Variants in DYNC1I1 observed in about 807,000 individuals in gnomAD.
The protein encoded by DYNC1I1 is cytoplasmic dynein 1 intermediate chain 1.
A neutral mutation model predicts 86.6 loss-of-function variants in DYNC1I1; 43 were observed. The ratio of observed to expected loss-of-function variants is 0.50; its 90% confidence interval spans 0.39 to 0.64. The LOEUF (loss-of-function observed/expected upper bound fraction) is 0.64, where lower values mean the gene tolerates loss of function less well. DYNC1I1 is among the 30% of genes least tolerant of loss of function. DYNC1I1 has a pLI of 0.00. For synonymous variants in DYNC1I1, 262 were observed against 283.7 expected, an observed-to-expected ratio of 0.92 and a Z score of 0.77; for missense variants, 604 against 788.8, an observed-to-expected ratio of 0.77 and a Z score of 2.81.
intron 6 of DYNC1I1, among the ~76,000 whole-genome samples, chr7:95,897,506 T>G (rs149594034): frequency 7.9e-5 from 12 of 152,146 alleles, no homozygotes; most frequent in Non-Finnish European, 1.6e-4. Context: ...GAAATACACC[T>G]TAAAGAGAAA....
intron 5 of DYNC1I1, among the ~76,000 whole-genome samples, chr7:95,847,287 C>G (rs528721158): frequency 1.3e-5 from 2 of 152,194 alleles, no homozygotes; most frequent in Non-Finnish European, 2.9e-5. Context: ...TGGACCAAAT[C>G]TCCACACTTC....
intron 6 of DYNC1I1, among the ~76,000 whole-genome samples, chr7:95,950,384 A>G (rs921757193): frequency 2.0e-5 from 3 of 152,164 alleles, no homozygotes; most frequent in Non-Finnish European, 4.4e-5. Flanking sequence ...TGCGTTTTCC[A>G]TGAACTTTCA....
chr7:96,058,682 T>G (rs1789658174), intron 14 of DYNC1I1, among the ~76,000 whole-genome samples: 1 of 152,132 alleles, frequency 6.6e-6, no homozygotes, highest in Non-Finnish European at 1.5e-5. Context: ...TCGCCCAGTT[T>G]GGAGTGCAGC....
chr7:96,070,054 T>C (rs1399322529), intron 14 of DYNC1I1, among the ~76,000 whole-genome samples: 1 of 152,202 alleles, frequency 6.6e-6, no homozygotes, highest in Non-Finnish European at 1.5e-5. Context: ...TTTGAATTTC[T>C]GACCACGATA....
At chr7:95,833,761 GCTCT>G (rs1788991501) in intron 5 of DYNC1I1, among the ~76,000 whole-genome samples, 1 of 134,642 alleles carries the variant, frequency 7.4e-6, no homozygotes, top group South Asian at 2.6e-4. Context: ...TCATGATTTG[GCTCT>G]CTGTTTGTCT....
chr7:95,795,010 G>A (rs1295995533), intron 1 of DYNC1I1, among the ~76,000 whole-genome samples: 1 of 152,186 alleles, frequency 6.6e-6, no homozygotes, highest in African/African-American at 2.4e-5. Context: ...AACTCCTGCA[G>A]TGCTTGGGAC....
At chr7:95,983,442 G>T (rs1793505268) in intron 7 of DYNC1I1, among the ~76,000 whole-genome samples, 1 of 152,036 alleles carries the variant, frequency 6.6e-6, no homozygotes, top group East Asian at 1.9e-4. Flanking sequence ...ACTACATCAG[G>T]ATCATTCTAG....
chr7:95,936,956 T>TCTCTCTCACACACACACACACACA (rs750834189), intron 6 of DYNC1I1, among the ~76,000 whole-genome samples: 2 of 134,190 alleles, frequency 1.5e-5, no homozygotes, highest in Non-Finnish European at 3.2e-5. Context: ...AGAATATGTC[T>TCTCTCTCACACACACACACACACA]CACACACACA....
downstream of DYNC1I1, among the ~76,000 whole-genome samples, chr7:96,103,317 G>A (rs1213506627): frequency 1.3e-5 from 2 of 152,190 alleles, no homozygotes; most frequent in Admixed American, 6.5e-5. Flanking sequence ...AATGGACAGA[G>A]CTGTTAGTTG....
intron 11 of DYNC1I1, among the ~76,000 whole-genome samples, chr7:96,031,382 C>T (rs1280922614): frequency 6.6e-6 from 1 of 152,118 alleles, no homozygotes; most frequent in Non-Finnish European, 1.5e-5. Context: ...TATAAATATT[C>T]AAAAAGCTGT....
At position 96,098,327 on chromosome 7, in the gene DYNC1I1, T is replaced by C. The variant is rs746725595; in HGVS notation, c.*734T>C. On this transcript the variant is annotated 3_prime_UTR_variant, in exon 17 of 17. Transcript: ENST00000447467. ...TACTTTAACAATATTTCAAATATCA[T>C]TGACCACTAATACTTCTCACTGAAG... 3.9e-5 allele frequency: 38 copies of C among 985,848 alleles called. No homozygotes were observed. The highest frequency in any genetic ancestry group is 4.6e-5 in the Non-Finnish European group (38 of 829,948). The allele number at this position is 985,848 out of a possible 1,614,324, so 61.1% of individuals were successfully genotyped here.
chr7:95,800,624 C>T (rs1051413459), intron 1 of DYNC1I1, among the ~76,000 whole-genome samples: 1 of 152,052 alleles, frequency 6.6e-6, no homozygotes, highest in Non-Finnish European at 1.5e-5. Context: ...TAGAGTGAAG[C>T]CGAGAGTTGG....
At chr7:96,043,317 C>A (rs1706166572) in intron 14 of DYNC1I1, among the ~76,000 whole-genome samples, 1 of 151,848 alleles carries the variant, frequency 6.6e-6, no homozygotes, top group Admixed American at 6.6e-5. Flanking sequence ...ATACACAATA[C>A]CACCTTTGAA....
chr7:95,872,678 G>C (rs1315091639), intron 6 of DYNC1I1, among the ~76,000 whole-genome samples: 2 of 152,174 alleles, frequency 1.3e-5, no homozygotes, highest in Non-Finnish European at 2.9e-5. Flanking sequence ...CATGAATACT[G>C]TTCTTTCAAC....
rs1390308194 is a variant in DYNC1I1, at chr7:96,032,738, C to T, written c.1188C>T (p.Gly396=). 6.2e-7 allele frequency: 1 copy of T among 1,613,698 alleles called. No homozygotes were observed. Among genetic ancestry groups the T allele is most frequent in the South Asian group, 1.1e-5 (1 of 91,056 alleles). The part of the protein sequence containing the change: ...AHNLITVSTD[G]KMCSWSLDML... The stretch of plus-strand genomic sequence containing the variant: ...ACCTCATCACTGTCTCCACTGATGG[C>T]AAAATGTGTTCCTGGAGCCTGGACA... The change falls in exon 12 of 17, where the codon GGC becomes GGT. Residue 396 remains glycine (G), a synonymous_variant. Coordinates refer to ENST00000447467, the MANE Select transcript of DYNC1I1 (RefSeq NM_001135556.2).
At chr7:95,844,263 C>G (rs1335372471) in intron 5 of DYNC1I1, among the ~76,000 whole-genome samples, 1 of 152,152 alleles carries the variant, frequency 6.6e-6, no homozygotes, top group African/African-American at 2.4e-5. Context: ...ATTAGTATAT[C>G]AAACTCTTGA....
chr7:95,816,076 G>A lies in DYNC1I1; in HGVS notation c.314+2739G>A, dbSNP rs575893614. Among the ~76,000 whole-genome samples, 145 of 151,152 alleles carry A rather than the reference G, an allele frequency of 9.6e-4. 2 individuals are homozygous for A. Among genetic ancestry groups the A allele is most frequent in the Non-Finnish European group, 4.7e-4 (32 of 67,910 alleles). ...TCCATTGCCCAGGCTGGAGTACAGT[G>A]GTGCAATTATAGCTCACTGCAACCT... On this transcript the variant is annotated intron_variant, in intron 4 of 16. Transcript: ENST00000447467.
intron 5 of DYNC1I1, among the ~76,000 whole-genome samples, chr7:95,837,072 T>C (rs1363444082): frequency 2.0e-5 from 3 of 150,846 alleles, no homozygotes; most frequent in Admixed American, 6.6e-5. Context: ...AGTTTTTCTG[T>C]TCTGTTTTTT....
intron 6 of DYNC1I1, among the ~76,000 whole-genome samples, chr7:95,890,001 G>A (rs1244950629): frequency 6.6e-6 from 1 of 152,192 alleles, no homozygotes; most frequent in South Asian, 2.1e-4. Flanking sequence ...TGGTGGGAGT[G>A]TAAATTAGTT....
Sources: allele counts gnomAD v4.1 joint callset (sites outside exome capture counted in the v4.1 genomes callset), GRCh38; gene constraint gnomAD v4.1.1; transcripts MANE v1.5; gene names NCBI Gene and HGNC (gene_info 2026-07-23, HGNC 2026-07-21).